Variants in UGT2B10 observed in about 807,000 individuals in gnomAD.
The protein encoded by UGT2B10 is UDP glucuronosyltransferase family 2 member B10.
In UGT2B10, 51 loss-of-function variants were observed where a neutral mutation model predicts 43.7. The observed-to-expected ratio is 1.17, with a 90% CI of 0.93 to 1.47. The LOEUF (loss-of-function observed/expected upper bound fraction) is 1.47. UGT2B10 is among the 40% of genes most tolerant of loss of function. The pLI is 0.00. For synonymous variants in UGT2B10, 225 were observed against 209.0 expected, an observed-to-expected ratio of 1.08 and a Z score of -0.66; for missense variants, 696 against 617.7, an observed-to-expected ratio of 1.13 and a Z score of -1.34.
At chr4:68,826,612 C>T (rs1020166019) in intron 4 of UGT2B10, 115 bp downstream of exon 4, 1 of 1,271,678 alleles carries the variant, frequency 7.9e-7, no homozygotes, top group African/African-American at 1.6e-5. Context: ...AAAAGAACTT[C>T]TTTATATTTA....
At chr4:68,820,437 T>TA (rs1452190872) in intron 2 of UGT2B10, among the ~76,000 whole-genome samples, 2 of 152,132 alleles carry the variant, frequency 1.3e-5, no homozygotes, top group Middle Eastern at 3.4e-3. Flanking sequence ...TGTGAAATCA[T>TA]AAAAAAATTA....
At chr4:68,826,010 TGA>T (rs1252280649) in intron 3 of UGT2B10, among the ~76,000 whole-genome samples, 1 of 152,112 alleles carries the variant, frequency 6.6e-6, no homozygotes, top group African/African-American at 2.4e-5. Context: ...TGATATTTTT[TGA>T]GTTTTTAATA....
chr4:68,827,578 G>T, intron 5 of UGT2B10, 30 bp downstream of exon 5: 1 of 1,610,712 alleles, frequency 6.2e-7, no homozygotes, highest in Non-Finnish European at 8.5e-7. Context: ...TCACTAGATG[G>T]TATTAATAGA....
chr4:68,829,918 G>A (rs900399509), intron 5 of UGT2B10, among the ~76,000 whole-genome samples: 6 of 152,004 alleles, frequency 3.9e-5, no homozygotes, highest in African/African-American at 1.4e-4. Context: ...AATCAGGGGA[G>A]TGCCATAATC....
At chr4:68,823,448 A>C (rs1239359152) in intron 3 of UGT2B10, among the ~76,000 whole-genome samples, 2 of 152,142 alleles carry the variant, frequency 1.3e-5, no homozygotes, top group Non-Finnish European at 2.9e-5. Context: ...CGGAGGTTGC[A>C]ATGAGGCAAG....
Position 68,818,272 on chromosome 4 carries a change from A to G in UGT2B10, c.867+95A>G, listed in dbSNP as rs532068750. ...TTCAGAGTGTTTGACTAACACTGAA[A>G]AAGATGGGAAGTAGGTGGGGTAAAG... On this transcript the variant is annotated intron_variant, in intron 2 of 5. Transcript: ENST00000265403. 2.6e-6 allele frequency: 4 copies of G among 1,557,112 alleles called. No homozygotes were observed. In the African/African-American group the frequency reaches 4.2e-5, roughly 16 times the overall value.
chr4:68,819,126 G>A (rs1377227478), intron 2 of UGT2B10, among the ~76,000 whole-genome samples: 1 of 151,828 alleles, frequency 6.6e-6, no homozygotes, highest in African/African-American at 2.4e-5. Context: ...ATTGTGTTGT[G>A]TGGAAAAAAA....
rs1738097629 is a variant in UGT2B10 at position 68,831,451 on chromosome 4, A to C, written c.*572A>C. On this transcript the variant is annotated 3_prime_UTR_variant, in exon 6 of 6. Transcript: ENST00000265403. ...GTTCAGGGATGAAAGAGTCACTAAC[A>C]TAAAAGAAGAATGGGATGAGGTGAG... Among the ~76,000 whole-genome samples, 1 of 152,142 alleles carries C rather than the reference A, an allele frequency of 6.6e-6. No homozygotes were observed. The highest frequency in any genetic ancestry group is 2.1e-4 in the South Asian group (1 of 4,830).
chr4:68,830,667 G>A lies in UGT2B10; in HGVS notation c.1375G>A (p.Ala459Thr). 1 of 1,613,340 alleles carries A rather than the reference G, an allele frequency of 6.2e-7. No individual in the cohort carries two copies. The highest frequency in any genetic ancestry group is 8.5e-7 in the Non-Finnish European group (1 of 1,179,484). ...HDQPVKPLDR[A>T]VFWIEFVMRH... ...TCAACCAGTGAAGCCCCTGGATCGA[G>A]CAGTCTTCTGGATTGAATTTGTCAT... Residue 459 changes from alanine to threonine, a missense_variant, in exon 6 of 6, where the codon GCA (alanine) becomes ACA (threonine). Coordinates refer to ENST00000265403, the MANE Select transcript of UGT2B10 (RefSeq NM_001075.6).
At chr4:68,821,593 G>C (rs1322401842) in intron 2 of UGT2B10, among the ~76,000 whole-genome samples, 5 of 152,114 alleles carry the variant, frequency 3.3e-5, no homozygotes, top group Non-Finnish European at 7.4e-5. Context: ...TCTAAGGACT[G>C]ATTCATAAAT....
rs1371908005 is a variant in UGT2B10 at position 68,827,543 on chromosome 4, T to A, written c.1302T>A (p.Asp434Glu). The A allele has an allele frequency of 4.3e-6, 7 of 1,613,116 alleles. No individual in the cohort carries two copies. The highest frequency in any genetic ancestry group is 5.9e-6 in the Non-Finnish European group (7 of 1,179,408). The change falls in exon 5 of 6, where the codon GAT becomes GAA. Residue 434 changes from aspartate (D) to glutamate (E), a missense_variant. Coordinates refer to ENST00000265403, the MANE Select transcript of UGT2B10 (RefSeq NM_001075.6). ...LLNALKTVIN[D>E]PSYKENIMKL... Reference sequence around the variant, plus strand: ...ATGCACTGAAGACAGTAATTAATGATCCTTCGTGAGTAGAACAATATTTTT... The same window carrying A: ...ATGCACTGAAGACAGTAATTAATGAACCTTCGTGAGTAGAACAATATTTTT...
At position 68,831,691 on chromosome 4, in the gene UGT2B10, A is replaced by G. The variant is rs1257985043; in HGVS notation, c.*812A>G. On this transcript the variant is annotated 3_prime_UTR_variant, in exon 6 of 6. Transcript: ENST00000265403. ...AGCTTTACTGATTAGTTTTTCTTCCAAAGCTCTCTTGTTTCTAGTTGTTTT... is the reference window on the plus strand; with the variant it reads ...AGCTTTACTGATTAGTTTTTCTTCCGAAGCTCTCTTGTTTCTAGTTGTTTT... 6.6e-6 allele frequency among the ~76,000 whole-genome samples: 1 copy of G among 152,110 alleles called. No homozygotes were observed. The highest frequency in any genetic ancestry group is 2.4e-5 in the African/African-American group (1 of 41,460).
intron 1 of UGT2B10, 74 bp downstream of exon 1, chr4:68,816,811 A>G (rs1737238160): frequency 7.8e-7 from 1 of 1,282,384 alleles, no homozygotes; most frequent in Non-Finnish European, 1.1e-6. Context: ...GCATAAAGCC[A>G]TAAAGTCAGG....
intron 2 of UGT2B10, among the ~76,000 whole-genome samples, chr4:68,819,240 A>G (rs2109686589): frequency 6.6e-6 from 1 of 152,068 alleles, no homozygotes; most frequent in African/African-American, 2.4e-5. Context: ...AATACTACTA[A>G]CTACTTAACA....
rs782183393 is a variant in UGT2B10, at chr4:68,822,377, C to A, written c.974C>A (p.Thr325Lys). 2.5e-6 allele frequency: 4 copies of A among 1,613,576 alleles called. No homozygotes were observed. Among genetic ancestry groups the A allele is most frequent in the Non-Finnish European group, 3.4e-6 (4 of 1,179,810 alleles). Residue 325 changes from threonine to lysine, a missense_variant, in exon 3 of 6, where the codon ACA becomes AAA. Physicochemically the swap from Thr to Lys is moderately conservative, Grantham distance 78. Transcript: ENST00000265403. ...MTEERANVIA[T>K]ALAKIPQKVL... Reference sequence around the variant, plus strand: ...GAAGAAAGGGCCAACGTAATTGCAACAGCCCTTGCCAAGATCCCACAAAAG... The same window carrying A: ...GAAGAAAGGGCCAACGTAATTGCAAAAGCCCTTGCCAAGATCCCACAAAAG...
In UGT2B10 at chr4:68,816,925, C is replaced by T. The variant is rs898622630; in HGVS notation, c.718+188C>T. Among the ~76,000 whole-genome samples the T allele has an allele frequency of 3.3e-5, 5 of 151,752 alleles. 1 individual carries two copies. The highest frequency in any genetic ancestry group is 2.1e-4 in the South Asian group (1 of 4,820). ...GCTTAAATTATAGGGTCAGTGAAAA[C>T]GCTGTGACCATCACTCATACAGAAC... is the stretch of plus-strand genomic sequence containing the variant. On this transcript the variant is annotated intron_variant, in intron 1 of 5. Coordinates refer to ENST00000265403, the MANE Select transcript of UGT2B10 (RefSeq NM_001075.6).
intron 3 of UGT2B10, among the ~76,000 whole-genome samples, chr4:68,826,003 T>C (rs990961045): frequency 2.6e-5 from 4 of 152,076 alleles, no homozygotes; most frequent in African/African-American, 2.4e-5. Flanking sequence ...AACATCATGA[T>C]ATTTTTTGAG....
At position 68,830,699 on chromosome 4, in the gene UGT2B10, C is replaced by G; in HGVS notation, c.1407C>G (p.His469Gln). 6.2e-7 allele frequency: 1 copy of G among 1,613,428 alleles called. No individual in the cohort carries two copies. The change falls in exon 6 of 6, where the codon CAC becomes CAG. Residue 469 changes from histidine (H) to glutamine (Q), a missense_variant. Coordinates refer to ENST00000265403, the MANE Select transcript of UGT2B10 (RefSeq NM_001075.6). ...TCTGGATTGAATTTGTCATGCGCCA[C>G]AAAGGAGCCAAACATCTTCGAGTTG... ...AVFWIEFVMR[H>Q]KGAKHLRVAA...
At position 68,822,172 on chromosome 4, in the gene UGT2B10, A is replaced by T. The variant is rs1438991390; in HGVS notation, c.868-99A>T. On this transcript the variant is annotated intron_variant, in intron 2 of 5. Coordinates refer to ENST00000265403, the MANE Select transcript of UGT2B10 (RefSeq NM_001075.6). ...ATTTACTCCAATAATTCCTCAAAAT[A>T]CTTGATTTTCTCTCTTTAATATTTT... 5.9e-5 allele frequency: 89 copies of T among 1,515,214 alleles called. 1 individual carries two copies. Among genetic ancestry groups the T allele is most frequent in the Non-Finnish European group, 7.8e-5 (87 of 1,122,128 alleles). The allele number at this position is 1,515,214 out of a possible 1,614,324, so 93.9% of individuals were successfully genotyped here.
Sources: allele counts gnomAD v4.1 joint callset (sites outside exome capture counted in the v4.1 genomes callset), GRCh38; gene constraint gnomAD v4.1.1; transcripts MANE v1.5; gene names NCBI Gene and HGNC (gene_info 2026-07-23, HGNC 2026-07-21).